The following TMEM38B variants were observed in gnomAD, a reference collection of about 807,000 sequenced individuals.
TMEM38B encodes trimeric intracellular cation channel type B.
A neutral mutation model predicts 28.7 loss-of-function variants in TMEM38B; 24 were observed. That is an observed-to-expected ratio of 0.84 (90% confidence interval 0.61 to 1.18). The LOEUF (loss-of-function observed/expected upper bound fraction) is 1.18. Among genes scored for constraint, TMEM38B ranks in the 50% most tolerant of loss-of-function variants. The pLI is 0.00. For synonymous variants in TMEM38B, 131 were observed against 127.7 expected, an observed-to-expected ratio of 1.03 and a Z score of -0.17; for missense variants, 380 against 350.9, an observed-to-expected ratio of 1.08 and a Z score of -0.66.
At chr9:105,720,177 C>G (rs927158997) in intron 2 of TMEM38B, among the ~76,000 whole-genome samples, 1 of 152,008 alleles carries the variant, frequency 6.6e-6, no homozygotes, top group Non-Finnish European at 1.5e-5. Context: ...TCAACTAATG[C>G]TTTGATTTGC....
intron 5 of TMEM38B, among the ~76,000 whole-genome samples, chr9:105,761,716 G>T (rs1838059182): frequency 6.6e-6 from 1 of 152,056 alleles, no homozygotes; most frequent in African/African-American, 2.4e-5. Context: ...CTCACCCGAG[G>T]AGTTTTAAAA....
At chr9:105,699,031 A>G (rs1307806690) in intron 1 of TMEM38B, among the ~76,000 whole-genome samples, 3 of 152,084 alleles carry the variant, frequency 2.0e-5, no homozygotes, top group Admixed American at 1.3e-4. Context: ...AATGTTATCT[A>G]TTTCACTTGA....
rs145226422 is a variant in TMEM38B at position 105,707,041 on chromosome 9, G to T, written c.269+1288G>T. The stretch of plus-strand genomic sequence containing the variant: ...GATCTGCCCGTCTCAGCCTCCCAAA[G>T]TGCTGAGATTACAGGCGTGAGCCAC... On this transcript the variant is annotated intron_variant, in intron 2 of 5. Coordinates refer to ENST00000374692, the MANE Select transcript of TMEM38B (RefSeq NM_018112.3). 8.1e-3 allele frequency among the ~76,000 whole-genome samples: 1,237 copies of T among 152,270 alleles called. 8 individuals are homozygous for T. Among genetic ancestry groups the T allele is most frequent in the African/African-American group, 8.5e-3 (352 of 41,560 alleles).
intron 2 of TMEM38B, among the ~76,000 whole-genome samples, chr9:105,708,992 ATT>A (rs61703546): frequency 1.5e-4 from 21 of 140,952 alleles, no homozygotes; most frequent in Admixed American, 1.4e-4. Context: ...CACGTTGGCT[ATT>A]TTTTTTTTTT....
chr9:105,714,129 C>T (rs1048360856), intron 2 of TMEM38B, among the ~76,000 whole-genome samples: 8 of 147,106 alleles, frequency 5.4e-5, no homozygotes, highest in South Asian at 2.1e-4. Flanking sequence ...GCCTACAAAC[C>T]GCAGAGAGGA....
intron 2 of TMEM38B, among the ~76,000 whole-genome samples, chr9:105,711,718 G>T (rs1835910561): frequency 6.6e-6 from 1 of 151,604 alleles, no homozygotes; most frequent in Non-Finnish European, 1.5e-5. Context: ...TATTTGGAAG[G>T]CTGAAGTGGG....
intron 5 of TMEM38B, chr9:105,758,965 A>G (rs1164367226): frequency 1.5e-5 from 20 of 1,339,964 alleles, no homozygotes; most frequent in Non-Finnish European, 4.3e-6. Context: ...ATAAATCCAA[A>G]ACAAGTAATT....
intron 2 of TMEM38B, chr9:105,710,698 C>A: frequency 1.5e-6 from 1 of 669,572 alleles, no homozygotes; most frequent in South Asian, 1.4e-5. Context: ...ACCAAATTCA[C>A]ACCGTAAATC....
chr9:105,773,820 G>A (rs779950706), intron 5 of TMEM38B, 45 bp from the exon 6 acceptor site: 1 of 1,560,258 alleles, frequency 6.4e-7, no homozygotes, highest in Non-Finnish European at 8.8e-7. Context: ...TTGAGAAACA[G>A]AAATCATTTG....
chr9:105,706,111 C>G (rs1228241224), intron 2 of TMEM38B, among the ~76,000 whole-genome samples: 1 of 152,114 alleles, frequency 6.6e-6, no homozygotes, highest in Non-Finnish European at 1.5e-5. Flanking sequence ...GTTGGCCAGG[C>G]TGGTCTTGAA....
chr9:105,706,669 T>G (rs1446580737), intron 2 of TMEM38B, among the ~76,000 whole-genome samples: 1 of 152,042 alleles, frequency 6.6e-6, no homozygotes, highest in East Asian at 1.9e-4. Context: ...GGAGTAACAA[T>G]AAAGGAATTT....
intron 5 of TMEM38B, chr9:105,760,573 A>G: frequency 4.0e-6 from 3 of 745,478 alleles, no homozygotes; most frequent in Non-Finnish European, 7.3e-6. Context: ...TATTAAAAAC[A>G]AGAGTTTACC....
intron 4 of TMEM38B, among the ~76,000 whole-genome samples, chr9:105,740,083 A>G (rs1303045548): frequency 6.6e-6 from 1 of 151,626 alleles, no homozygotes; most frequent in Non-Finnish European, 1.5e-5. Flanking sequence ...GGGTTTCACC[A>G]TGTTGGCCAG....
chr9:105,760,937 C>T (rs1487385010), intron 5 of TMEM38B, among the ~76,000 whole-genome samples: 1 of 152,172 alleles, frequency 6.6e-6, no homozygotes, highest in Non-Finnish European at 1.5e-5. Flanking sequence ...TAGATCTCAA[C>T]TGAGAACACG....
At chr9:105,730,514 T>G (rs547416698) in intron 4 of TMEM38B, among the ~76,000 whole-genome samples, 4 of 152,222 alleles carry the variant, frequency 2.6e-5, no homozygotes, top group Non-Finnish European at 5.9e-5. Context: ...TCATCAGGGA[T>G]ATTGGCCTAA....
Position 105,773,088 on chromosome 9 carries a change from A to T in TMEM38B, c.661-777A>T, listed in dbSNP as rs1005002046. 4.6e-5 allele frequency among the ~76,000 whole-genome samples: 7 copies of T among 152,200 alleles called. No individual in the cohort carries two copies. The East Asian group carries it at 7.7e-4, about 17-fold the overall frequency. On this transcript the variant is annotated intron_variant, in intron 5 of 5. Transcript: ENST00000374692. ...GTTCTGGAGGAACTGACTCTTGGGG[A>T]AATTCCTGGATTCTTTGGAGCTGTT...
intron 5 of TMEM38B, among the ~76,000 whole-genome samples, chr9:105,751,343 G>A (rs536866284): frequency 1.3e-5 from 2 of 152,144 alleles, no homozygotes; most frequent in Non-Finnish European, 2.9e-5. Flanking sequence ...CCTTGCCCAG[G>A]GAACCACGCT....
intron 4 of TMEM38B, among the ~76,000 whole-genome samples, chr9:105,744,972 T>C (rs1307589082): frequency 3.3e-5 from 5 of 152,252 alleles, no homozygotes; most frequent in African/African-American, 9.6e-5. Context: ...CACATTTTCT[T>C]AATCCAGTCT....
intron 2 of TMEM38B, among the ~76,000 whole-genome samples, chr9:105,715,627 C>T (rs899862348): frequency 1.8e-4 from 28 of 151,866 alleles, no homozygotes; most frequent in African/African-American, 6.8e-4. Flanking sequence ...CTCTTTTCTC[C>T]TGCTGTTTCT....
Sources: gnomAD v4.1 joint callset for allele counts (sites outside exome capture counted in the v4.1 genomes callset) on GRCh38, gnomAD v4.1.1 for gene constraint, MANE v1.5 for transcripts, NCBI Gene and HGNC (gene_info 2026-07-23, HGNC 2026-07-21) for gene names.